The following ITGA6 variants were observed in gnomAD, a reference collection of about 807,000 sequenced individuals.
ITGA6 encodes the protein integrin subunit alpha 6, also known as integrin alpha-6.
In ITGA6, 63 loss-of-function variants were observed where a neutral mutation model predicts 133.6. The ratio of observed to expected loss-of-function variants is 0.47; its 90% CI spans 0.38 to 0.58. ITGA6 has a LOEUF of 0.58. Among genes scored for constraint, ITGA6 ranks in the 20% least tolerant of loss-of-function variants. ITGA6 has a pLI of 0.00. For synonymous variants in ITGA6, 434 were observed against 482.0 expected (o/e 0.90, Z 1.30); for missense variants, 1,068 against 1,309.4 (o/e 0.82, Z 2.85).
intron 18 of ITGA6, 43 bp from the exon 19 acceptor site, chr2:172,488,083 C>G: frequency 6.2e-7 from 1 of 1,608,996 alleles, no homozygotes; most frequent in Middle Eastern, 1.7e-4. Flanking sequence ...TTGAAAGAAC[C>G]ATTTACAATC....
intron 13 of ITGA6, among the ~76,000 whole-genome samples, chr2:172,485,572 GAAAAAT>G: frequency 6.6e-6 from 1 of 152,222 alleles, no homozygotes; most frequent in East Asian, 1.9e-4. Flanking sequence ...TACATAGAAA[GAAAAAT>G]ACATTGTGTT....
intron 5 of ITGA6, among the ~76,000 whole-genome samples, chr2:172,472,267 T>TAAGCTGTGATTGCAGC (rs1685975640): frequency 6.6e-6 from 1 of 152,238 alleles, no homozygotes; most frequent in Non-Finnish European, 1.5e-5. Flanking sequence ...GAGGTTGCAG[T>TAAGCTGTGATTGCAGC]AAGCTGTGAT....
chr2:172,479,521 A>AT (rs1181193681), intron 9 of ITGA6, 120 bp from the exon 10 acceptor site: 30 of 824,792 alleles, frequency 3.6e-5, no homozygotes, highest in Middle Eastern at 2.3e-4. Context: ...CGTCACGTGT[A>AT]TTTTTTTTCC....
intron 24 of ITGA6, 76 bp downstream of exon 24, chr2:172,498,176 G>A (rs1043236576): frequency 7.1e-7 from 1 of 1,412,282 alleles, no homozygotes; most frequent in Non-Finnish European, 1.0e-6. Context: ...AGCACTGATA[G>A]TACGTTTTCT....
At chr2:172,469,452 A>G in intron 4 of ITGA6, 72 bp downstream of exon 4, 1 of 775,958 alleles carries the variant, frequency 1.3e-6, no homozygotes, top group Non-Finnish European at 1.7e-6. Flanking sequence ...GTACATTTTG[A>G]GCTAAAATGT....
intron 1 of ITGA6, among the ~76,000 whole-genome samples, chr2:172,434,656 C>T (rs13003109): frequency 1.3e-5 from 2 of 152,070 alleles, no homozygotes; most frequent in Non-Finnish European, 2.9e-5. Context: ...GGATGAAGTA[C>T]CACTAAACGC....
intron 1 of ITGA6, among the ~76,000 whole-genome samples, chr2:172,449,581 C>T (rs1022704899): frequency 2.0e-5 from 3 of 152,114 alleles, no homozygotes; most frequent in Admixed American, 1.3e-4. Context: ...AAGATTATTA[C>T]ATCAGGTGAA....
Position 172,484,872 on chromosome 2 carries a change from A to G in ITGA6, c.1640A>G (p.Lys547Arg), listed in dbSNP as rs768083494. Reference protein sequence around the residue: ...VQFRNQGSEPKYTQELTLKRQ... With the variant: ...VQFRNQGSEPRYTQELTLKRQ... ...TTTCGAAACCAAGGTTCTGAGCCCA[A>G]ATATACTCAAGAACTAACTCTGAAG... Residue 547 changes from lysine (K) to arginine (R), a missense_variant, in exon 12 of 26, where the codon AAA (lysine) becomes AGA (arginine). Physicochemically the swap from Lys to Arg is conservative, Grantham distance 26 (BLOSUM62 2). Transcript: ENST00000684293. 17 of 1,614,054 alleles carry G rather than the reference A, an allele frequency of 1.1e-5. No homozygotes were observed. Among genetic ancestry groups the G allele is most frequent in the East Asian group, 4.5e-5 (2 of 44,894 alleles).
intron 7 of ITGA6, 116 bp from the exon 8 acceptor site, chr2:172,475,481 A>G: frequency 2.6e-6 from 2 of 769,580 alleles, no homozygotes; most frequent in East Asian, 5.0e-5. Flanking sequence ...ACAAAAAAAA[A>G]CCCCGAAAAA....
rs776196889 is a variant in ITGA6 at position 172,479,733 on chromosome 2, G to T, written c.1481G>T (p.Gly494Val). ...AAAACAGCGTGTGGGGCGCCTAGTG[G>T]GATATGGTGAGCATCCCTCTGTCTT... is the stretch of plus-strand genomic sequence containing the variant. The part of the protein sequence containing the change: ...RQKTACGAPS[G>V]ICLQVKSCFE... The change falls in exon 10 of 26, where the codon GGG (glycine) becomes GTG (valine). Residue 494 changes from glycine (G) to valine (V), a missense_variant. Gly to Val is a moderately radical substitution (Grantham distance 109). This residue lies in a region of ITGA6 where 609 missense variants were observed against 707.2 expected (regional missense o/e 0.86). Transcript: ENST00000684293. 1 of 1,613,204 alleles carries T rather than the reference G, an allele frequency of 6.2e-7. No homozygotes were observed. Among genetic ancestry groups the T allele is most frequent in the African/African-American group, 1.3e-5 (1 of 74,738 alleles).
chr2:172,474,404 T>TTACCGCATTTTTACCGCATTTTACC, intron 6 of ITGA6, 139 bp downstream of exon 6: 1 of 747,894 alleles, frequency 1.3e-6, no homozygotes, highest in Non-Finnish European at 2.4e-6. Flanking sequence ...AGCCTATCTT[T>TTACCGCATTTTTACCGCATTTTACC]ATCATTTCTA....
At chr2:172,458,303 C>T (rs78884664) in intron 1 of ITGA6, among the ~76,000 whole-genome samples, 3,116 of 149,666 alleles carry the variant, frequency 0.021, 98 homozygotes, top group African/African-American at 0.072. Flanking sequence ...TGCAGTAGTA[C>T]AATCTCGGCT....
In ITGA6 at chr2:172,479,656, T is replaced by G. The variant is rs1197307659; in HGVS notation, c.1404T>G (p.Ile468Met). The G allele has an allele frequency of 6.2e-7, 1 of 1,613,860 alleles. No homozygotes were observed. The highest frequency in any genetic ancestry group is 8.5e-7 in the Non-Finnish European group (1 of 1,179,882). ...SVTIFRSRPV[I>M]NIQKTITVTP... ...TTGTCTTCAGATCCCGGCCTGTGATTAATATTCAGAAAACCATCACAGTAA... is the reference window on the plus strand; with the variant it reads ...TTGTCTTCAGATCCCGGCCTGTGATGAATATTCAGAAAACCATCACAGTAA... Residue 468 changes from isoleucine to methionine, a missense_variant, in exon 10 of 26, where the codon ATT becomes ATG. Ile to Met is a conservative substitution (Grantham distance 10). Around this residue, in one of 3 missense-constraint regions of ITGA6, gnomAD observed 317 missense variants for 456.9 expected, o/e 0.69. Transcript: ENST00000684293.
chr2:172,471,583 A>T (rs1040270840), intron 5 of ITGA6, among the ~76,000 whole-genome samples: 3 of 152,232 alleles, frequency 2.0e-5, no homozygotes, highest in African/African-American at 7.2e-5. Context: ...TTCTCCAAGG[A>T]TTAGCCCTGC....
At chr2:172,501,484 C>T (rs1023925300) in intron 24 of ITGA6, among the ~76,000 whole-genome samples, 7 of 152,194 alleles carry the variant, frequency 4.6e-5, no homozygotes, top group Non-Finnish European at 1.0e-4. Flanking sequence ...AATGTATATA[C>T]GTTTTCCCTA....
chr2:172,469,478 T>C, intron 4 of ITGA6, 98 bp downstream of exon 4: 1 of 1,121,014 alleles, frequency 8.9e-7, no homozygotes, highest in Admixed American at 2.1e-5. Flanking sequence ...AAGACATTCG[T>C]ATATTATAAA....
chr2:172,498,102 T>A lies in ITGA6; in HGVS notation c.3114+2T>A. 6.2e-7 allele frequency: 1 copy of A among 1,613,450 alleles called. No homozygotes were observed. The highest frequency in any genetic ancestry group is 8.5e-7 in the Non-Finnish European group (1 of 1,179,438). On this transcript the variant is annotated splice_donor_variant, in intron 24 of 25. Transcript: ENST00000684293. LOFTEE classifies it high-confidence loss of function. ...TTATTAGTGTTTATACTATGGAAGGTAAGTCATATCTGGCATTTGAATTTC... is the reference window on the plus strand; with the variant it reads ...TTATTAGTGTTTATACTATGGAAGGAAAGTCATATCTGGCATTTGAATTTC...
At chr2:172,443,918 G>T (rs112749735) in intron 1 of ITGA6, among the ~76,000 whole-genome samples, 2 of 152,164 alleles carry the variant, frequency 1.3e-5, no homozygotes, top group African/African-American at 2.4e-5. Context: ...GGGACTACTG[G>T]CATGCACTAC....
Position 172,469,138 on chromosome 2 carries a change from G to T in ITGA6, c.401G>T (p.Arg134Leu). The change falls in exon 4 of 26, where the codon CGA (arginine) becomes CTA (leucine). Residue 134 changes from arginine (R) to leucine (L), a missense_variant. Arg to Leu is a moderately radical substitution (Grantham distance 102). Coordinates refer to ENST00000684293, the MANE Select transcript of ITGA6 (RefSeq NM_000210.4). ...PGGKVVTCAH[R>L]YEKRQHVNTK... ...ATCTGCTTGCAGACATGTGCTCACC[G>T]ATATGAAAAAAGGCAGCATGTTAAT... The T allele has an allele frequency of 6.2e-7, 1 of 1,614,094 alleles. No individual in the cohort carries two copies. The highest frequency in any genetic ancestry group is 1.7e-4 in the Middle Eastern group (1 of 6,060).
Sources: allele counts gnomAD v4.1 joint callset (sites outside exome capture counted in the v4.1 genomes callset), GRCh38; gene constraint gnomAD v4.1.1; regional missense constraint gnomAD v4.1.1; transcripts MANE v1.5; gene names NCBI Gene and HGNC (gene_info 2026-07-23, HGNC 2026-07-21).